ADGRB3: variants seen among roughly 807,000 people sequenced by gnomAD.
ADGRB3 encodes the protein brain-specific angiogenesis inhibitor 3.
Under a neutral mutation model 193.4 loss-of-function variants are expected in ADGRB3, and 37 were observed. The ratio of observed to expected loss-of-function variants is 0.19; its 90% CI spans 0.15 to 0.25. The LOEUF is 0.25. ADGRB3 is among the 10% of genes least tolerant of loss of function. The probability of loss-of-function intolerance (pLI) is 1.00; values close to 1 mark genes in which losing one functional copy is unlikely to be tolerated. For synonymous variants in ADGRB3, 690 were observed against 644.2 expected (o/e 1.07, Z -1.08); for missense variants, 1,637 against 1,852.9 (o/e 0.88, Z 2.14).
intron 3 of ADGRB3, among the ~76,000 whole-genome samples, chr6:68,803,905 T>C (rs989222995): frequency 6.6e-6 from 1 of 152,232 alleles, no homozygotes; most frequent in Non-Finnish European, 1.5e-5. Flanking sequence ...ATCTTCATTC[T>C]CATTATCTTC....
intron 20 of ADGRB3, among the ~76,000 whole-genome samples, chr6:69,260,369 A>G (rs1178299825): frequency 6.6e-6 from 1 of 152,180 alleles, no homozygotes; most frequent in African/African-American, 2.4e-5. Context: ...CCCTGCTGTA[A>G]GTGTATTTAC....
At chr6:69,026,826 A>C (rs765189593) in intron 13 of ADGRB3, among the ~76,000 whole-genome samples, 19 of 152,166 alleles carry the variant, frequency 1.2e-4, no homozygotes, top group Non-Finnish European at 2.8e-4. Flanking sequence ...TGTAGTACAA[A>C]TTTGGTATAA....
At chr6:68,909,926 T>C (rs948903536) in intron 3 of ADGRB3, among the ~76,000 whole-genome samples, 1 of 152,214 alleles carries the variant, frequency 6.6e-6, no homozygotes, top group Admixed American at 6.5e-5. Flanking sequence ...TACCCAGTAA[T>C]GGGATGGCTG....
intron 3 of ADGRB3, among the ~76,000 whole-genome samples, chr6:68,739,996 A>G (rs1765947265): frequency 7.8e-6 from 1 of 128,662 alleles, no homozygotes; most frequent in African/African-American, 3.1e-5. Context: ...AATAACAGGT[A>G]CAACATTATT....
intron 3 of ADGRB3, among the ~76,000 whole-genome samples, chr6:68,825,977 C>A (rs1205417846): frequency 6.7e-6 from 1 of 149,610 alleles, no homozygotes; most frequent in East Asian, 1.9e-4. Flanking sequence ...CTCTGGTGTT[C>A]AGTTTCCTCC....
chr6:68,691,474 G>T (rs1302788551), intron 3 of ADGRB3, among the ~76,000 whole-genome samples: 1 of 151,912 alleles, frequency 6.6e-6, no homozygotes, highest in African/African-American at 2.4e-5. Context: ...TGCACTATTT[G>T]AAGCTCATTT....
intron 11 of ADGRB3, among the ~76,000 whole-genome samples, chr6:69,005,594 G>A (rs1450915072): frequency 1.3e-5 from 2 of 151,988 alleles, no homozygotes; most frequent in Admixed American, 6.6e-5. Context: ...ACAGGCGTAC[G>A]CCACCATTCC....
chr6:69,297,669 G>A (rs777056808), intron 20 of ADGRB3, among the ~76,000 whole-genome samples: 1 of 151,756 alleles, frequency 6.6e-6, no homozygotes, highest in Non-Finnish European at 1.5e-5. Flanking sequence ...CAGAAAGAAG[G>A]GTGAATATGT....
chr6:69,322,813 A>G (rs1768489524), intron 20 of ADGRB3, among the ~76,000 whole-genome samples: 1 of 151,974 alleles, frequency 6.6e-6, no homozygotes, highest in Non-Finnish European at 1.5e-5. Context: ...GCTTACCTCC[A>G]TACTTGGAGC....
intron 3 of ADGRB3, among the ~76,000 whole-genome samples, chr6:68,899,743 C>G (rs1279294625): frequency 6.6e-6 from 1 of 151,376 alleles, no homozygotes; most frequent in Non-Finnish European, 1.5e-5. Context: ...GCCAAATGGA[C>G]TAAAACATTA....
At chr6:68,972,795 TGAGACAAA>T (rs1410841004) in intron 8 of ADGRB3, among the ~76,000 whole-genome samples, 1 of 152,158 alleles carries the variant, frequency 6.6e-6, no homozygotes, top group Non-Finnish European at 1.5e-5. Context: ...ACACAAAGAA[TGAGACAAA>T]GAAAGAATGC....
At chr6:69,250,642 C>G (rs915982032) in intron 20 of ADGRB3, among the ~76,000 whole-genome samples, 2 of 152,138 alleles carry the variant, frequency 1.3e-5, no homozygotes, top group African/African-American at 4.8e-5. Flanking sequence ...GCCACAGGAA[C>G]CCAAGGTTTG....
chr6:68,775,076 A>C (rs1766711920), intron 3 of ADGRB3, among the ~76,000 whole-genome samples: 1 of 146,884 alleles, frequency 6.8e-6, no homozygotes, highest in Non-Finnish European at 1.5e-5. Flanking sequence ...AGATAAGAAG[A>C]ACCTTTCTTG....
intron 20 of ADGRB3, among the ~76,000 whole-genome samples, chr6:69,317,027 C>G (rs1201731728): frequency 6.6e-6 from 1 of 151,426 alleles, no homozygotes; most frequent in African/African-American, 2.4e-5. Context: ...TAGTGGTTAT[C>G]TTTGGGAAGC....
chr6:69,077,136 C>T (rs1255463381), intron 17 of ADGRB3, among the ~76,000 whole-genome samples: 1 of 151,998 alleles, frequency 6.6e-6, no homozygotes, highest in East Asian at 1.9e-4. Flanking sequence ...AGAATTCCAA[C>T]TTGCCCTGTT....
intron 17 of ADGRB3, among the ~76,000 whole-genome samples, chr6:69,102,055 T>C (rs541631377): frequency 3.4e-4 from 52 of 151,866 alleles, no homozygotes; most frequent in African/African-American, 1.2e-3. Flanking sequence ...CGGACGCCTG[T>C]AGTCCCAGCA....
intron 3 of ADGRB3, among the ~76,000 whole-genome samples, chr6:68,863,483 T>C (rs990845137): frequency 6.6e-6 from 1 of 152,056 alleles, no homozygotes; most frequent in African/African-American, 2.4e-5. Flanking sequence ...TTTTAATAAA[T>C]AATTTATTAA....
chr6:68,915,708 G>A (rs1260932275), intron 3 of ADGRB3, among the ~76,000 whole-genome samples: 1 of 152,008 alleles, frequency 6.6e-6, no homozygotes, highest in Non-Finnish European at 1.5e-5. Context: ...AAACTACTCA[G>A]TGGCCTGGGA....
intron 3 of ADGRB3, among the ~76,000 whole-genome samples, chr6:68,746,554 G>A (rs529070348): frequency 6.6e-6 from 1 of 151,902 alleles, no homozygotes; most frequent in Admixed American, 6.6e-5. Context: ...ATTGTGACTT[G>A]TGACATGGCT....
Sources: gnomAD v4.1 joint callset for allele counts (sites outside exome capture counted in the v4.1 genomes callset) on GRCh38, gnomAD v4.1.1 for gene constraint, MANE v1.5 for transcripts, NCBI Gene and HGNC (gene_info 2026-07-23, HGNC 2026-07-21) for gene names.